The following STAG1 variants were observed in gnomAD, a reference collection of about 807,000 sequenced individuals.
The protein encoded by STAG1 is cohesin subunit SA-1.
Under a neutral mutation model 170.9 loss-of-function variants are expected in STAG1, and 26 were observed. That is an observed-to-expected ratio of 0.15 (90% CI 0.11 to 0.21). The LOEUF is 0.21. STAG1 is among the 10% of genes least tolerant of loss of function. The pLI, the probability that STAG1 is intolerant of heterozygous loss-of-function variation, is 1.00. For synonymous variants in STAG1, 514 were observed against 497.7 expected, an observed-to-expected ratio of 1.03 and a Z score of -0.44; for missense variants, 964 against 1,509.5, an observed-to-expected ratio of 0.64 and a Z score of 5.99.
intron 7 of STAG1, among the ~76,000 whole-genome samples, chr3:136,515,910 G>T (rs572885815): frequency 1.3e-5 from 2 of 152,046 alleles, no homozygotes; most frequent in African/African-American, 4.8e-5. Flanking sequence ...ATTGAATAAA[G>T]ATTTTATATC....
chr3:136,510,001 G>C (rs1559848752), intron 7 of STAG1, among the ~76,000 whole-genome samples: 1 of 152,046 alleles, frequency 6.6e-6, no homozygotes, highest in Admixed American at 6.5e-5. Context: ...CAAACTACCA[G>C]TTTCCAAATG....
At chr3:136,631,038 A>G in intron 1 of STAG1, 57 bp from the exon 2 acceptor site, 2 of 814,100 alleles carry the variant, frequency 2.5e-6, no homozygotes, top group Non-Finnish European at 3.8e-6. Context: ...CAAAATTCAT[A>G]AACTACAATC....
chr3:136,498,741 G>C (rs947263971), intron 9 of STAG1, among the ~76,000 whole-genome samples: 1 of 150,528 alleles, frequency 6.6e-6, no homozygotes, highest in African/African-American at 2.4e-5. Flanking sequence ...GCAAATCCTT[G>C]TTCTTTTTAA....
At chr3:136,387,583 T>C (rs559136394) in intron 22 of STAG1, among the ~76,000 whole-genome samples, 7 of 152,320 alleles carry the variant, frequency 4.6e-5, no homozygotes, top group Admixed American at 1.3e-4. Context: ...ATTTCTGAGA[T>C]TGTTTTCTTC....
chr3:136,446,032 G>T (rs2088767575), intron 14 of STAG1, among the ~76,000 whole-genome samples: 1 of 152,082 alleles, frequency 6.6e-6, no homozygotes, highest in African/African-American at 2.4e-5. Context: ...TTTATTTTCT[G>T]TGCTCTATTT....
chr3:136,723,912 C>A (rs1178379523), intron 1 of STAG1, among the ~76,000 whole-genome samples: 1 of 149,924 alleles, frequency 6.7e-6, no homozygotes, highest in Admixed American at 6.6e-5. Flanking sequence ...GGCCAGTCGC[C>A]CCGTCTGGGA....
At chr3:136,733,822 T>G (rs1389852934) in intron 1 of STAG1, among the ~76,000 whole-genome samples, 1 of 152,064 alleles carries the variant, frequency 6.6e-6, no homozygotes, top group African/African-American at 2.4e-5. Flanking sequence ...TCTACACACT[T>G]GCAGGCCCGG....
At chr3:136,579,438 A>G (rs891452660) in intron 4 of STAG1, among the ~76,000 whole-genome samples, 37 of 152,224 alleles carry the variant, frequency 2.4e-4, no homozygotes, top group African/African-American at 8.7e-4. Context: ...CAAGGCACTT[A>G]CCGTGCTGCA....
chr3:136,441,064 A>G (rs4678268), intron 15 of STAG1, among the ~76,000 whole-genome samples: 144,739 of 144,796 alleles, frequency 1, 72,341 homozygotes, highest in Middle Eastern at 1. Flanking sequence ...ATGAAGTCTC[A>G]CTCTGTTGCC....
intron 22 of STAG1, among the ~76,000 whole-genome samples, chr3:136,394,771 G>A (rs559052249): frequency 3.3e-5 from 5 of 151,898 alleles, no homozygotes; most frequent in South Asian, 2.1e-4. Flanking sequence ...TGGCCAACAC[G>A]GTGAAACCCC....
chr3:136,357,993 A>C (rs1236852125), intron 27 of STAG1, 145 bp from the exon 28 acceptor site: 8 of 650,130 alleles, frequency 1.2e-5, no homozygotes, highest in Non-Finnish European at 2.0e-5. Context: ...ACTAATGTGA[A>C]TATATAGGAC....
At chr3:136,475,138 CTTTTTTTT>C (rs10686674) in intron 10 of STAG1, among the ~76,000 whole-genome samples, 1,272 of 76,130 alleles carry the variant, frequency 0.017, 22 homozygotes, top group African/African-American at 0.067. Context: ...TTATAGGTTC[CTTTTTTTT>C]TTTTTTTTTT....
intron 23 of STAG1, among the ~76,000 whole-genome samples, chr3:136,374,661 T>G (rs889515049): frequency 6.6e-6 from 1 of 151,924 alleles, no homozygotes; most frequent in East Asian, 1.9e-4. Flanking sequence ...TTAATGTGTT[T>G]GTGTGTTAGG....
chr3:136,620,146 A>G (rs989325678), intron 3 of STAG1, among the ~76,000 whole-genome samples: 15 of 152,200 alleles, frequency 9.9e-5, no homozygotes, highest in South Asian at 2.1e-4. Context: ...GAAACTCCTT[A>G]TATTATTTGT....
intron 2 of STAG1, among the ~76,000 whole-genome samples, chr3:136,629,586 AAGGACAGG>A (rs934160753): frequency 6.2e-4 from 95 of 152,252 alleles, no homozygotes; most frequent in African/African-American, 2.2e-3. Context: ...ATGTCGGCGA[AAGGACAGG>A]AGGACAGTAT....
chr3:136,466,343 C>T (rs1172878582), intron 12 of STAG1, among the ~76,000 whole-genome samples: 2 of 152,130 alleles, frequency 1.3e-5, no homozygotes, highest in East Asian at 1.9e-4. Flanking sequence ...GGCAGGAGAA[C>T]TACGTGACGA....
At chr3:136,650,912 T>G (rs2107855722) in intron 1 of STAG1, among the ~76,000 whole-genome samples, 1 of 102,570 alleles carries the variant, frequency 9.7e-6, no homozygotes, top group East Asian at 2.1e-4. Context: ...AAGAGAATGG[T>G]GGTAGAATTA....
rs796971118 is a variant in STAG1 at position 136,452,555 on chromosome 3, G to GA, written c.1314-409dup. Among the ~76,000 whole-genome samples the GA allele has an allele frequency of 7.8e-3, 972 of 124,756 alleles. 4 individuals carry two copies. The highest frequency in any genetic ancestry group is 0.019 in the African/African-American group (658 of 33,954). The allele number at this position is 124,756 out of a possible 152,430, so 81.8% of individuals were successfully genotyped here. ...CTCCAGCCTGGGTGACAGAGACTCCGAAAAAAAAAAAAAATCAGAGATCAG... is the reference window on the plus strand; with the variant it reads ...CTCCAGCCTGGGTGACAGAGACTCCGAAAAAAAAAAAAAAATCAGAGATCAG... On this transcript the variant is annotated intron_variant, in intron 13 of 33. Transcript: ENST00000383202.
intron 22 of STAG1, among the ~76,000 whole-genome samples, chr3:136,389,121 C>A (rs1038402558): frequency 6.6e-6 from 1 of 152,020 alleles, no homozygotes; most frequent in African/African-American, 2.4e-5. Context: ...CATATTTTTA[C>A]AATGTAATAC....
Sources: gnomAD v4.1 joint callset for allele counts (sites outside exome capture counted in the v4.1 genomes callset) on GRCh38, gnomAD v4.1.1 for gene constraint, MANE v1.5 for transcripts, NCBI Gene and HGNC (gene_info 2026-07-23, HGNC 2026-07-21) for gene names.